The following WDR27 variants were observed in gnomAD, a reference collection of about 807,000 sequenced individuals.
WDR27 encodes the protein WD repeat domain 27.
A neutral mutation model predicts 114.4 loss-of-function variants in WDR27; 100 were observed. That is an observed-to-expected ratio of 0.87 (90% CI 0.74 to 1.03). The LOEUF (loss-of-function observed/expected upper bound fraction) is 1.03, where lower values mean the gene tolerates loss of function less well. Among genes scored for constraint, WDR27 ranks in the 50% least tolerant of loss-of-function variants. The pLI is 0.00. For missense variants in WDR27, 1,129 were observed against 1,092.9 expected, an observed-to-expected ratio of 1.03 and a Z score of -0.47; for synonymous variants, 449 against 423.1, an observed-to-expected ratio of 1.06 and a Z score of -0.75.
chr6:169,658,679 G>A (rs547793977), intron 12 of WDR27, among the ~76,000 whole-genome samples: 1 of 150,674 alleles, frequency 6.6e-6, no homozygotes, highest in Non-Finnish European at 1.5e-5. Context: ...GCAGAGCTCC[G>A]AGTTTTCTTT....
At chr6:169,564,855 C>CGTGT (rs1554292034) in intron 25 of WDR27, among the ~76,000 whole-genome samples, 4 of 30,416 alleles carry the variant, frequency 1.3e-4, no homozygotes, top group African/African-American at 1.9e-4. Flanking sequence ...GGTAACCAAA[C>CGTGT]GCGTGAGTGA....
At chr6:169,546,478 C>T (rs919751460) in intron 25 of WDR27, among the ~76,000 whole-genome samples, 5 of 152,096 alleles carry the variant, frequency 3.3e-5, no homozygotes, top group African/African-American at 7.2e-5. Flanking sequence ...CAGGGAGAGC[C>T]GTGGGGACAC....
intron 17 of WDR27, among the ~76,000 whole-genome samples, chr6:169,641,268 C>T (rs573491569): frequency 8.5e-5 from 13 of 152,338 alleles, no homozygotes; most frequent in African/African-American, 1.2e-4. Context: ...ATGCGTGAAG[C>T]GCTGCGGGCC....
chr6:169,646,866 A>G (rs1462684307), intron 16 of WDR27, among the ~76,000 whole-genome samples: 4 of 152,242 alleles, frequency 2.6e-5, no homozygotes, highest in Non-Finnish European at 5.9e-5. Flanking sequence ...ACATTTACTG[A>G]TAATACTACA....
chr6:169,680,329 T>G (rs972429672), intron 2 of WDR27, among the ~76,000 whole-genome samples: 3 of 152,194 alleles, frequency 2.0e-5, no homozygotes, highest in Non-Finnish European at 4.4e-5. Context: ...ACGCCTGTAA[T>G]CCAAGTACTT....
At chr6:169,458,841 A>G (rs1337190469) in intron 25 of WDR27, among the ~76,000 whole-genome samples, 5 of 152,080 alleles carry the variant, frequency 3.3e-5, no homozygotes, top group Admixed American at 1.3e-4. Flanking sequence ...GACTGTGCAT[A>G]CCACAGGAAA....
At chr6:169,468,495 T>C (rs1785903524) in intron 25 of WDR27, among the ~76,000 whole-genome samples, 1 of 152,170 alleles carries the variant, frequency 6.6e-6, no homozygotes, top group African/African-American at 2.4e-5. Flanking sequence ...CCATCAGCTC[T>C]TGTGAAAACT....
chr6:169,503,003 T>C (rs949235249), intron 25 of WDR27, among the ~76,000 whole-genome samples: 1 of 152,074 alleles, frequency 6.6e-6, no homozygotes, highest in African/African-American at 2.4e-5. Context: ...CTAGTCAAAA[T>C]AGAGGAAGAT....
At chr6:169,488,029 A>G (rs1246438090) in intron 25 of WDR27, among the ~76,000 whole-genome samples, 1 of 152,252 alleles carries the variant, frequency 6.6e-6, no homozygotes, top group Non-Finnish European at 1.5e-5. Context: ...AGAAAATCAC[A>G]GAAACCTGGC....
chr6:169,621,360 GCA>G (rs1562719637), intron 21 of WDR27, among the ~76,000 whole-genome samples: 2 of 110,354 alleles, frequency 1.8e-5, no homozygotes, highest in South Asian at 3.0e-4. Flanking sequence ...GTAGACATAC[GCA>G]CACATGCATG....
At chr6:169,670,997 G>A (rs922995156) in intron 3 of WDR27, 11 of 270,554 alleles carry the variant, frequency 4.1e-5, no homozygotes, top group South Asian at 6.6e-5. Context: ...TGCATGTTTC[G>A]ATGCTTCTCA....
intron 8 of WDR27, among the ~76,000 whole-genome samples, chr6:169,662,943 C>T (rs537000699): frequency 4.7e-5 from 7 of 148,088 alleles, no homozygotes; most frequent in East Asian, 2.0e-4. Context: ...ATTCAGATCA[C>T]GCGTCAAGGA....
intron 25 of WDR27, among the ~76,000 whole-genome samples, chr6:169,534,835 T>C (rs1321817603): frequency 2.0e-5 from 3 of 152,072 alleles, no homozygotes; most frequent in South Asian, 4.1e-4. Context: ...AGGAATTTCA[T>C]ATATTCAACA....
the WDR27 span, among the ~76,000 whole-genome samples, chr6:169,442,891 T>A: frequency 6.6e-6 from 1 of 152,196 alleles, no homozygotes; most frequent in Non-Finnish European, 1.5e-5. Context: ...ACATTCCCAA[T>A]GCTATTAAGC....
At chr6:169,483,214 A>G (rs1312371935) in intron 25 of WDR27, among the ~76,000 whole-genome samples, 2 of 152,208 alleles carry the variant, frequency 1.3e-5, no homozygotes, top group African/African-American at 4.8e-5. Flanking sequence ...TTGAGACACA[A>G]AACAATTCAA....
chr6:169,469,277 C>A (rs567244518), intron 25 of WDR27, among the ~76,000 whole-genome samples: 12 of 152,092 alleles, frequency 7.9e-5, no homozygotes, highest in African/African-American at 2.9e-4. Context: ...CCTTTGAAAA[C>A]GAAAGTTATA....
chr6:169,612,631 T>TTA (rs556504417), intron 22 of WDR27, among the ~76,000 whole-genome samples: 1,092 of 96,990 alleles, frequency 0.011, 23 homozygotes, highest in African/African-American at 0.042. Flanking sequence ...CTGTCTAACA[T>TTA]AAAAAAAAAA....
chr6:169,582,502 CCATGTAACCGTATTTGTCTA>C (rs1382453288), intron 24 of WDR27, among the ~76,000 whole-genome samples: 1 of 152,010 alleles, frequency 6.6e-6, no homozygotes, highest in Non-Finnish European at 1.5e-5. Flanking sequence ...TGTTAGTGCC[CCATGTAACCGTATTTGTCTA>C]CATGTAACCG....
chr6:169,529,319 G>GA (rs959281308), intron 25 of WDR27, among the ~76,000 whole-genome samples: 1 of 142,954 alleles, frequency 7.0e-6, no homozygotes, highest in Non-Finnish European at 1.5e-5. Context: ...CTGCGGGGGG[G>GA]GGGGGCAGCT....
Sources: allele counts gnomAD v4.1 joint callset (sites outside exome capture counted in the v4.1 genomes callset), GRCh38; gene constraint gnomAD v4.1.1; transcripts MANE v1.5; gene names NCBI Gene and HGNC (gene_info 2026-07-23, HGNC 2026-07-21).